The following SPP2 variants were observed in gnomAD, a reference collection of about 807,000 sequenced individuals.
SPP2 encodes the protein secreted phosphoprotein 2, also known as secreted phosphoprotein 24.
A neutral mutation model predicts 28.8 loss-of-function variants in SPP2; 34 were observed. The observed-to-expected ratio is 1.18, with a 90% CI of 0.90 to 1.57. SPP2 has a LOEUF of 1.57. Among genes scored for constraint, SPP2 ranks in the 40% most tolerant of loss-of-function variants. SPP2 has a pLI of 0.00. For synonymous variants in SPP2, 96 were observed against 89.4 expected (o/e 1.07, Z -0.42); for missense variants, 269 against 263.9 (o/e 1.02, Z -0.13).
Position 234,064,089 on chromosome 2 carries a change from C to G in SPP2, c.445-2444C>G, listed in dbSNP as rs960190685. 2.6e-5 allele frequency among the ~76,000 whole-genome samples: 4 copies of G among 151,940 alleles called. No individual in the cohort carries two copies. In the South Asian group the frequency reaches 8.3e-4, roughly 32 times the overall value. On this transcript the variant is annotated intron_variant, in intron 4 of 7. Transcript: ENST00000168148. The stretch of plus-strand genomic sequence containing the variant: ...AGTCCTGTATGTGCCACATTCTTCT[C>G]CTTCCCCTTCTCTCCTGGCCTCCCC...
At chr2:234,057,842 C>T (rs17865706) in intron 2 of SPP2, among the ~76,000 whole-genome samples, 48,412 of 152,132 alleles carry the variant, frequency 0.32, 8,252 homozygotes, top group East Asian at 0.52. Context: ...TGCTCAATTA[C>T]TTATTTCTGG....
At chr2:234,061,890 G>A (rs1319234702) in intron 4 of SPP2, among the ~76,000 whole-genome samples, 1 of 152,184 alleles carries the variant, frequency 6.6e-6, no homozygotes, top group Non-Finnish European at 1.5e-5. Flanking sequence ...TTGTCCTGGA[G>A]CCATAGTTGA....
chr2:234,075,732 C>G (rs545331643), intron 7 of SPP2, among the ~76,000 whole-genome samples: 1 of 152,302 alleles, frequency 6.6e-6, no homozygotes, highest in East Asian at 1.9e-4. Context: ...TCTTCCCCCT[C>G]TCCTCCACAC....
intron 4 of SPP2, among the ~76,000 whole-genome samples, chr2:234,062,382 C>T (rs955380238): frequency 6.6e-6 from 1 of 152,054 alleles, no homozygotes; most frequent in African/African-American, 2.4e-5. Flanking sequence ...CCTGAATTGC[C>T]AGGAAAGCTG....
At chr2:234,070,665 T>G (rs1356751858) in intron 7 of SPP2, among the ~76,000 whole-genome samples, 4 of 152,136 alleles carry the variant, frequency 2.6e-5, no homozygotes, top group Non-Finnish European at 5.9e-5. Context: ...TTTTACCATG[T>G]TAGCCAGGCT....
At chr2:234,059,005 T>C in intron 3 of SPP2, 47 bp downstream of exon 3, 1 of 1,586,652 alleles carries the variant, frequency 6.3e-7, no homozygotes, top group Non-Finnish European at 8.6e-7. Context: ...AGGAAGAGCC[T>C]CACTTCTTCC....
In SPP2 at chr2:234,060,443, G is replaced by T. The variant is rs200554838; in HGVS notation, c.408G>T (p.Trp136Cys). 23 of 1,613,504 alleles carry T rather than the reference G, an allele frequency of 1.4e-5. No homozygotes were observed. The highest frequency in any genetic ancestry group is 1.7e-5 in the Non-Finnish European group (20 of 1,179,878). Reference sequence around the variant, plus strand: ...AGGGCGTGCATGCTCGCTGCAGCTGGTCCTCCTCCACGTCTGAGTCTTACA... The same window carrying T: ...AGGGCGTGCATGCTCGCTGCAGCTGTTCCTCCTCCACGTCTGAGTCTTACA... ...QVQGVHARCS[W>C]SSSTSESYSS... is the part of the protein sequence containing the mutation. The change falls in exon 4 of 8, where the codon TGG becomes TGT. Residue 136 changes from tryptophan (W) to cysteine (C), a missense_variant. Coordinates refer to ENST00000168148, the MANE Select transcript of SPP2 (RefSeq NM_006944.3).
chr2:234,060,413 G>A lies in SPP2; in HGVS notation c.378G>A (p.Gln126=). Residue 126 remains glutamine (Q), a synonymous_variant, in exon 4 of 8, where the codon CAG becomes CAA. Transcript: ENST00000168148. ...GCACCGTGAAGGTATCTGCCCAGCA[G>A]GTGCAGGGCGTGCATGCTCGCTGCA... ...CRSTVKVSAQ[Q]VQGVHARCSW... is the part of the protein sequence containing the mutation. The A allele has an allele frequency of 6.2e-7, 1 of 1,613,896 alleles. No homozygotes were observed. The highest frequency in any genetic ancestry group is 8.5e-7 in the Non-Finnish European group (1 of 1,179,914).
chr2:234,073,991 C>T (rs1366236820), intron 7 of SPP2, among the ~76,000 whole-genome samples: 3 of 152,154 alleles, frequency 2.0e-5, no homozygotes, highest in African/African-American at 7.2e-5. Context: ...TGTTTGGACC[C>T]ATCTCATACA....
At chr2:234,054,308 T>G (rs1402974638) in intron 2 of SPP2, among the ~76,000 whole-genome samples, 2 of 152,166 alleles carry the variant, frequency 1.3e-5, no homozygotes, top group Non-Finnish European at 2.9e-5. Flanking sequence ...GGTCATGATT[T>G]TGAGGAGTTT....
chr2:234,074,399 T>C (rs1184003319), intron 7 of SPP2, among the ~76,000 whole-genome samples: 1 of 152,186 alleles, frequency 6.6e-6, no homozygotes, highest in African/African-American at 2.4e-5. Flanking sequence ...TTCTGAGTGA[T>C]TTCCACTTTC....
chr2:234,053,343 A>T (rs1693538191), intron 2 of SPP2, among the ~76,000 whole-genome samples: 1 of 152,192 alleles, frequency 6.6e-6, no homozygotes, highest in South Asian at 2.1e-4. Flanking sequence ...GTTCAAAGCA[A>T]ATAAGTGGTT....
chr2:234,068,719 T>A (rs75076869), intron 6 of SPP2, among the ~76,000 whole-genome samples: 4 of 148,926 alleles, frequency 2.7e-5, no homozygotes, highest in South Asian at 4.2e-4. Flanking sequence ...TTTTTTTTTT[T>A]AAATCTCCGT....
At chr2:234,055,049 A>G (rs1693578356) in intron 2 of SPP2, among the ~76,000 whole-genome samples, 1 of 152,198 alleles carries the variant, frequency 6.6e-6, no homozygotes, top group African/African-American at 2.4e-5. Context: ...TGAAAAACCT[A>G]AGTGACCATT....
At chr2:234,059,476 C>T (rs992335312) in intron 3 of SPP2, among the ~76,000 whole-genome samples, 1 of 152,116 alleles carries the variant, frequency 6.6e-6, no homozygotes, top group African/African-American at 2.4e-5. Flanking sequence ...GAAAACCTAA[C>T]CCCAAAGGCC....
chr2:234,053,215 A>G (rs1693535354), intron 2 of SPP2, among the ~76,000 whole-genome samples: 1 of 152,248 alleles, frequency 6.6e-6, no homozygotes, highest in African/African-American at 2.4e-5. Context: ...GGAATTTTGT[A>G]AAATTGTATT....
chr2:234,059,055 C>G (rs1693666452), intron 3 of SPP2, 97 bp downstream of exon 3: 1 of 1,449,306 alleles, frequency 6.9e-7, no homozygotes, highest in Admixed American at 2.2e-5. Flanking sequence ...CGCTGCCTGG[C>G]TAGCATCTGG....
intron 6 of SPP2, among the ~76,000 whole-genome samples, chr2:234,068,045 A>G (rs11563053): frequency 0.094 from 14,231 of 152,182 alleles, 1,043 homozygotes; most frequent in East Asian, 0.29. Context: ...GCCATACTCA[A>G]CCAAATTTCT....
chr2:234,060,842 C>A (rs557815437), intron 4 of SPP2, among the ~76,000 whole-genome samples: 6 of 152,104 alleles, frequency 3.9e-5, no homozygotes, highest in Non-Finnish European at 5.9e-5. Flanking sequence ...AATTAACAAA[C>A]CTTTAAAGTT....
Sources: allele counts gnomAD v4.1 joint callset (sites outside exome capture counted in the v4.1 genomes callset), GRCh38; gene constraint gnomAD v4.1.1; transcripts MANE v1.5; gene names NCBI Gene and HGNC (gene_info 2026-07-23, HGNC 2026-07-21).